The following SKAP1 variants were observed in gnomAD, a reference collection of about 807,000 sequenced individuals.
The protein encoded by SKAP1 is src kinase associated phosphoprotein 1.
Under a neutral mutation model 58.5 loss-of-function variants are expected in SKAP1, and 44 were observed. The observed-to-expected ratio is 0.75, with a 90% CI of 0.59 to 0.97. The LOEUF (loss-of-function observed/expected upper bound fraction) is 0.97. SKAP1 is among the 50% of genes least tolerant of loss of function. The pLI, the probability that SKAP1 is intolerant of heterozygous loss-of-function variation, is 0.00. For synonymous variants in SKAP1, 127 were observed against 149.7 expected, an observed-to-expected ratio of 0.85 and a Z score of 1.11; for missense variants, 390 against 435.2, an observed-to-expected ratio of 0.90 and a Z score of 0.92.
intron 11 of SKAP1, among the ~76,000 whole-genome samples, chr17:48,144,082 G>A (rs1236290684): frequency 1.3e-5 from 2 of 152,166 alleles, no homozygotes; most frequent in Non-Finnish European, 2.9e-5. Flanking sequence ...ACTGAAATGA[G>A]TGAAATCAAC....
intron 11 of SKAP1, among the ~76,000 whole-genome samples, chr17:48,141,832 C>A (rs973502687): frequency 2.0e-5 from 3 of 152,298 alleles, no homozygotes; most frequent in Admixed American, 6.5e-5. Flanking sequence ...CACCTTGGAA[C>A]CTTTCCTCTG....
intron 4 of SKAP1, among the ~76,000 whole-genome samples, chr17:48,279,353 T>C (rs1247014752): frequency 6.6e-6 from 1 of 152,170 alleles, no homozygotes; most frequent in Non-Finnish European, 1.5e-5. Flanking sequence ...AAACAAGGAT[T>C]CCTGACACAA....
At chr17:48,431,220 G>A (rs559931456), upstream of SKAP1, among the ~76,000 whole-genome samples, 5 of 152,252 alleles carry the variant, frequency 3.3e-5, no homozygotes, top group South Asian at 1.0e-3. Flanking sequence ...TGAAGCAGGA[G>A]GATCACTTGA....
intron 4 of SKAP1, among the ~76,000 whole-genome samples, chr17:48,277,650 T>A (rs755090673): frequency 7.9e-5 from 12 of 152,174 alleles, no homozygotes; most frequent in Non-Finnish European, 1.8e-4. Flanking sequence ...AATCACTCAA[T>A]GAAAATAAAA....
chr17:48,355,233 T>C (rs2066860290), intron 3 of SKAP1, among the ~76,000 whole-genome samples: 1 of 152,210 alleles, frequency 6.6e-6, no homozygotes, highest in African/African-American at 2.4e-5. Flanking sequence ...TCATTATCAG[T>C]CACCATGAGT....
intron 4 of SKAP1, among the ~76,000 whole-genome samples, chr17:48,273,636 C>T (rs2065662593): frequency 6.6e-6 from 1 of 152,072 alleles, no homozygotes; most frequent in Admixed American, 6.5e-5. Context: ...CAGGCTGTCT[C>T]GAACTCCTGA....
intron 4 of SKAP1, among the ~76,000 whole-genome samples, chr17:48,276,397 A>T (rs1219872451): frequency 3.3e-5 from 5 of 152,250 alleles, no homozygotes; most frequent in African/African-American, 1.2e-4. Flanking sequence ...CACTTTGCTG[A>T]AAACACTAAT....
chr17:48,398,255 A>C (rs1162894711), intron 1 of SKAP1, among the ~76,000 whole-genome samples: 1 of 152,152 alleles, frequency 6.6e-6, no homozygotes, highest in Non-Finnish European at 1.5e-5. Flanking sequence ...CAGTGGCAGC[A>C]TTAGATCCTT....
At chr17:48,144,222 G>C (rs1003301035) in intron 11 of SKAP1, among the ~76,000 whole-genome samples, 2 of 152,160 alleles carry the variant, frequency 1.3e-5, no homozygotes, top group African/African-American at 2.4e-5. Context: ...GGATCTGACT[G>C]TCTTTTCCAG....
intron 4 of SKAP1, among the ~76,000 whole-genome samples, chr17:48,252,830 T>C (rs1014681320): frequency 3.9e-5 from 6 of 151,992 alleles, no homozygotes; most frequent in African/African-American, 1.2e-4. Context: ...ATTTATATAC[T>C]GTACTTAAGT....
intron 4 of SKAP1, among the ~76,000 whole-genome samples, chr17:48,306,131 A>T (rs1479358992): frequency 6.6e-6 from 1 of 152,230 alleles, no homozygotes; most frequent in Non-Finnish European, 1.5e-5. Context: ...TGTGTTAAAA[A>T]TTTTTGTTGC....
intron 1 of SKAP1, among the ~76,000 whole-genome samples, chr17:48,428,257 C>CA (rs1296663657): frequency 2.0e-5 from 3 of 152,024 alleles, no homozygotes; most frequent in African/African-American, 7.2e-5. Context: ...CAGACTCCTC[C>CA]ATATATTTTA....
At chr17:48,361,904 C>T (rs2066943657) in intron 3 of SKAP1, among the ~76,000 whole-genome samples, 1 of 152,178 alleles carries the variant, frequency 6.6e-6, no homozygotes, top group Non-Finnish European at 1.5e-5. Flanking sequence ...ATCCCACCAG[C>T]TTCTGAAGCA....
intron 4 of SKAP1, among the ~76,000 whole-genome samples, chr17:48,252,359 A>G (rs1192696137): frequency 6.6e-6 from 1 of 152,202 alleles, no homozygotes; most frequent in East Asian, 1.9e-4. Flanking sequence ...CTTGAGACCA[A>G]AAGTCAGATA....
At chr17:48,163,736 T>C (rs1205154358) in intron 10 of SKAP1, among the ~76,000 whole-genome samples, 1 of 152,126 alleles carries the variant, frequency 6.6e-6, no homozygotes, top group Non-Finnish European at 1.5e-5. Flanking sequence ...AAGTGGGCAG[T>C]AGGGGCACAG....
chr17:48,400,101 CT>C (rs34859955), intron 1 of SKAP1, among the ~76,000 whole-genome samples: 30,992 of 137,818 alleles, frequency 0.22, 3,020 homozygotes, highest in African/African-American at 0.28. Context: ...TTTTTCTTTT[CT>C]TTTTTTTTTT....
At chr17:48,374,248 C>T (rs1017666296) in intron 2 of SKAP1, among the ~76,000 whole-genome samples, 4 of 151,164 alleles carry the variant, frequency 2.6e-5, no homozygotes, top group African/African-American at 9.8e-5. Flanking sequence ...ACCATGTTGC[C>T]CAGACTGGTC....
At chr17:48,252,698 C>G (rs2938470) in intron 4 of SKAP1, among the ~76,000 whole-genome samples, 1 of 148,894 alleles carries the variant, frequency 6.7e-6, no homozygotes, top group South Asian at 2.1e-4. Flanking sequence ...ATAAAAATGG[C>G]CAAAGCTCTA....
At chr17:48,174,787 T>G (rs1042697470) in intron 9 of SKAP1, among the ~76,000 whole-genome samples, 22 of 152,192 alleles carry the variant, frequency 1.4e-4, no homozygotes, top group African/African-American at 5.1e-4. Context: ...CTTTAAACAG[T>G]AATGGATTAT....
Sources: allele counts gnomAD v4.1 joint callset (sites outside exome capture counted in the v4.1 genomes callset), GRCh38; gene constraint gnomAD v4.1.1; transcripts MANE v1.5; gene names NCBI Gene and HGNC (gene_info 2026-07-23, HGNC 2026-07-21).